FBXL2: variants seen among roughly 807,000 people sequenced by gnomAD.
FBXL2 encodes the protein F-box and leucine rich repeat protein 2, also known as F-box/LRR-repeat protein 2.
In FBXL2, 38 loss-of-function variants were observed where a neutral mutation model predicts 69.2. That is an observed-to-expected ratio of 0.55 (90% CI 0.42 to 0.72). The LOEUF is 0.72. Among genes scored for constraint, FBXL2 ranks in the 30% least tolerant of loss-of-function variants. FBXL2 has a pLI of 0.00. For missense variants in FBXL2, 354 were observed against 520.3 expected (o/e 0.68, Z 3.11); for synonymous variants, 192 against 201.3 (o/e 0.95, Z 0.39).
chr3:33,376,870 G>A (rs531446216), intron 10 of FBXL2, among the ~76,000 whole-genome samples: 9 of 152,118 alleles, frequency 5.9e-5, no homozygotes, highest in African/African-American at 9.6e-5. Context: ...GCATGGTGGC[G>A]GGCACCTGTA....
intron 4 of FBXL2, among the ~76,000 whole-genome samples, chr3:33,363,619 A>G (rs2041773310): frequency 6.6e-6 from 1 of 152,176 alleles, no homozygotes. Context: ...CTGGTCATTA[A>G]TAGTCGTGCT....
intron 2 of FBXL2, among the ~76,000 whole-genome samples, chr3:33,324,335 T>C (rs1386869498): frequency 1.3e-5 from 2 of 152,230 alleles, no homozygotes; most frequent in African/African-American, 4.8e-5. Flanking sequence ...TTTTGGCTTT[T>C]GTTGGCATTG....
At chr3:33,379,034 G>T (rs1298137952) in intron 13 of FBXL2, among the ~76,000 whole-genome samples, 5 of 151,116 alleles carry the variant, frequency 3.3e-5, no homozygotes, top group African/African-American at 9.7e-5. Context: ...TTGAAACAGG[G>T]TCTCACTCTA....
intron 2 of FBXL2, among the ~76,000 whole-genome samples, chr3:33,340,556 C>T (rs1195730644): frequency 7.0e-6 from 1 of 142,032 alleles, no homozygotes; most frequent in Admixed American, 7.3e-5. Flanking sequence ...CTCCCCCTGG[C>T]CAAAATGGGT....
chr3:33,367,585 CT>C (rs74867316), intron 5 of FBXL2, among the ~76,000 whole-genome samples: 96 of 145,674 alleles, frequency 6.6e-4, no homozygotes, highest in Middle Eastern at 3.6e-3. Context: ...TAATTGTTGT[CT>C]TTTTTTTTTT....
At chr3:33,393,401 G>A (rs1487315468) in intron 12 of FBXL2, 1 of 1,612,360 alleles carries the variant, frequency 6.2e-7, no homozygotes, top group Admixed American at 1.7e-5. Context: ...ACCAGCGCAA[G>A]TTTTCGAGCA....
intron 2 of FBXL2, among the ~76,000 whole-genome samples, chr3:33,340,765 G>A (rs2039955089): frequency 6.6e-6 from 1 of 151,490 alleles, no homozygotes; most frequent in Non-Finnish European, 1.5e-5. Flanking sequence ...GGTGGCACAT[G>A]CCTGTAATCC....
chr3:33,346,561 A>AAAAT (rs924420268), intron 2 of FBXL2, among the ~76,000 whole-genome samples: 8 of 152,156 alleles, frequency 5.3e-5, no homozygotes, highest in Non-Finnish European at 1.0e-4. Context: ...CCCGTCTCTA[A>AAAAT]AAATAAATAA....
At chr3:33,401,075 C>CA in intron 12 of FBXL2, 1 of 1,461,530 alleles carries the variant, frequency 6.8e-7, no homozygotes, top group Non-Finnish European at 9.3e-7. Flanking sequence ...ATGTTTTAAT[C>CA]AAGGCATTAA....
Position 33,324,380 on chromosome 3 carries a change from G to A in FBXL2, c.65+26655G>A, listed in dbSNP as rs1049194083. Among the ~76,000 whole-genome samples, 4 of 152,104 alleles carry A rather than the reference G, an allele frequency of 2.6e-5. No homozygotes were observed. In the East Asian group the frequency reaches 5.8e-4, roughly 22 times the overall value. On this transcript the variant is annotated intron_variant, in intron 2 of 14. Coordinates refer to ENST00000484457, the MANE Select transcript of FBXL2 (RefSeq NM_012157.5). ...TTTTAGTCATGAAGTCTTTGCCCATGCCTATGTCCTGAATGGTATTGCCTA... is the reference window on the plus strand; with the variant it reads ...TTTTAGTCATGAAGTCTTTGCCCATACCTATGTCCTGAATGGTATTGCCTA...
chr3:33,373,181 G>A (rs1013804607), intron 6 of FBXL2, 21 bp downstream of exon 6: 2 of 1,612,590 alleles, frequency 1.2e-6, no homozygotes, highest in Non-Finnish European at 1.7e-6. Context: ...AAGATTAATT[G>A]GTGACCAAAT....
At chr3:33,410,570 G>T in the FBXL2 span, among the ~76,000 whole-genome samples, 1 of 152,156 alleles carries the variant, frequency 6.6e-6, no homozygotes. Context: ...AGCTTATGAA[G>T]GCTGGTCAGC....
At chr3:33,341,561 G>C (rs1478193944) in intron 2 of FBXL2, among the ~76,000 whole-genome samples, 1 of 152,080 alleles carries the variant, frequency 6.6e-6, no homozygotes, top group Non-Finnish European at 1.5e-5. Flanking sequence ...CCAGCATGGT[G>C]GCTCACGCCT....
the FBXL2 span, among the ~76,000 whole-genome samples, chr3:33,410,599 T>C: frequency 6.6e-6 from 1 of 152,232 alleles, no homozygotes; most frequent in South Asian, 2.1e-4. Flanking sequence ...GGTTTTCCTT[T>C]TCTATATATT....
intron 2 of FBXL2, among the ~76,000 whole-genome samples, chr3:33,323,856 G>A (rs528021124): frequency 6.6e-6 from 1 of 152,066 alleles, no homozygotes; most frequent in Non-Finnish European, 1.5e-5. Flanking sequence ...GATATTTCTG[G>A]TTCTAGGTCC....
At chr3:33,396,815 A>G in intron 12 of FBXL2, 1 of 667,268 alleles carries the variant, frequency 1.5e-6, no homozygotes, top group Non-Finnish European at 2.8e-6. Flanking sequence ...GCCCATGTGC[A>G]TTTCTACCAG....
chr3:33,316,993 C>T (rs2037758402), intron 2 of FBXL2, among the ~76,000 whole-genome samples: 1 of 151,986 alleles, frequency 6.6e-6, no homozygotes, highest in South Asian at 2.1e-4. Context: ...CCTTGAATTC[C>T]TGGGTTCAAG....
At chr3:33,301,839 A>T (rs2036322977) in intron 2 of FBXL2, among the ~76,000 whole-genome samples, 1 of 152,052 alleles carries the variant, frequency 6.6e-6, no homozygotes. Context: ...ATTTTTTCAC[A>T]TTGTTATTGT....
intron 12 of FBXL2, 89 bp downstream of exon 12, chr3:33,378,236 T>C (rs1164246630): frequency 1.5e-6 from 2 of 1,310,014 alleles, no homozygotes; most frequent in Admixed American, 1.7e-5. Context: ...TGACTCGCTA[T>C]CATCCTGACC....
Sources: gnomAD v4.1 joint callset for allele counts (sites outside exome capture counted in the v4.1 genomes callset) on GRCh38, gnomAD v4.1.1 for gene constraint, MANE v1.5 for transcripts, NCBI Gene and HGNC (gene_info 2026-07-23, HGNC 2026-07-21) for gene names.